The following CANX variants were observed in gnomAD, a reference collection of about 807,000 sequenced individuals.
CANX encodes epididymis secretory sperm binding protein.
CANX carries 14 observed loss-of-function variants against 75.7 expected under a neutral mutation model. The observed-to-expected ratio is 0.19, with a 90% CI of 0.12 to 0.29. CANX has a LOEUF of 0.29. Ranked by LOEUF, CANX falls within the 10% of genes least tolerant of loss-of-function variation. CANX has a pLI of 1.00. For missense variants in CANX, 567 were observed against 713.2 expected, an observed-to-expected ratio of 0.79 and a Z score of 2.34; for synonymous variants, 227 against 236.9, an observed-to-expected ratio of 0.96 and a Z score of 0.38.
chr5:179,708,457 GT>G (rs1777310796), intron 5 of CANX, 77 bp downstream of exon 5: 1 of 1,350,144 alleles, frequency 7.4e-7, no homozygotes, highest in Non-Finnish European at 1.0e-6. Flanking sequence ...TTTACTCTAT[GT>G]TAAAAAATTA....
At chr5:179,700,881 T>C (rs966848826) in intron 1 of CANX, 1 of 150,634 alleles carries the variant, frequency 6.6e-6, no homozygotes, top group Non-Finnish European at 1.5e-5. Flanking sequence ...TTTTTTTTTT[T>C]AGACGGAGTC....
At chr5:179,726,456 G>C (rs1778676720) in intron 13 of CANX, among the ~76,000 whole-genome samples, 1 of 151,412 alleles carries the variant, frequency 6.6e-6, no homozygotes. Context: ...GGCGCCTGTA[G>C]TCCCAGCTAT....
intron 1 of CANX, among the ~76,000 whole-genome samples, chr5:179,686,756 A>G (rs1776197623): frequency 6.6e-6 from 1 of 151,938 alleles, no homozygotes; most frequent in Non-Finnish European, 1.5e-5. Context: ...GTGAGCTACC[A>G]TGCCTGCTCA....
rs1238564244 is a variant in CANX, at chr5:179,690,342, G to A, written c.-4+11565G>A. Among the ~76,000 whole-genome samples the A allele has an allele frequency of 4.0e-5, 6 of 148,784 alleles. No individual in the cohort carries two copies. In the East Asian group the frequency reaches 6.1e-4, roughly 15 times the overall value. On this transcript the variant is annotated intron_variant, in intron 1 of 14. Coordinates refer to the CANX transcript ENST00000681674. The stretch of plus-strand genomic sequence containing the variant: ...TGTAATCCCAGCACTTTGGGAGGCC[G>A]AGGCGGGTGGATCACCTGAGGTCAG...
upstream of CANX, chr5:179,698,655 C>G (rs1167834845): frequency 2.5e-6 from 3 of 1,190,382 alleles, no homozygotes; most frequent in Non-Finnish European, 3.3e-6. Flanking sequence ...CCACAGCAAC[C>G]GACGCGGGAA....
rs185246993 is a variant in CANX at position 179,729,802 on chromosome 5, A to G, written c.*1158A>G. On this transcript the variant is annotated 3_prime_UTR_variant, in exon 15 of 15. Transcript: ENST00000247461. ...ACTTGAGAAGTCTAATTCACAGGCA[A>G]ACCAATACAGAATTGACTGCAGTTG... is the stretch of plus-strand genomic sequence containing the variant. 80 of 152,740 alleles carry G rather than the reference A, an allele frequency of 5.2e-4. No individual in the cohort carries two copies. The highest frequency in any genetic ancestry group is 2.5e-4 in the Non-Finnish European group (17 of 68,032). 9.5% of individuals were successfully genotyped at this position (152,740 alleles called of 1,614,324 possible). A position where few individuals can be genotyped will look rare whatever the true frequency, so the allele number is the denominator to read the frequency against.
chr5:179,705,806 T>C lies in CANX; in HGVS notation c.125T>C (p.Val42Ala). The C allele has an allele frequency of 6.2e-7, 1 of 1,613,382 alleles. No individual in the cohort carries two copies. Among genetic ancestry groups the C allele is most frequent in the Non-Finnish European group, 8.5e-7 (1 of 1,179,332 alleles). ...EDDLDDVIEE[V>A]EDSKPDTTAP... is the part of the protein sequence containing the mutation. The stretch of plus-strand genomic sequence containing the variant: ...GACCTTGACGATGTCATTGAAGAGG[T>C]AGAAGACTCAAAACCAGATACCACT... Residue 42 changes from valine (V) to alanine (A), a missense_variant, in exon 2 of 15, where the codon GTA becomes GCA. Coordinates refer to ENST00000247461, the MANE Select transcript of CANX (RefSeq NM_001746.4).
In CANX at chr5:179,684,923, TGTA is replaced by T. The variant is rs1216501988; in HGVS notation, c.-4+6147_-4+6149del. On this transcript the variant is annotated intron_variant, in intron 1 of 14. Transcript: ENST00000681674. ...GTGTGCCACCACACCTGGCTAATTT[TGTA>T]TTTTTTTTTTTTTTTTTTTTTTTTT... Among the ~76,000 whole-genome samples, 220 of 106,062 alleles carry T rather than the reference TGTA, an allele frequency of 2.1e-3. 2 individuals carry two copies. Among genetic ancestry groups the T allele is most frequent in the Middle Eastern group, 4.9e-3 (1 of 206 alleles). 69.6% of individuals were successfully genotyped at this position (106,062 alleles called of 152,430 possible).
At chr5:179,723,800 G>T (rs754860991) in intron 12 of CANX, 21 bp downstream of exon 12, 18 of 1,525,168 alleles carry the variant, frequency 1.2e-5, no homozygotes, top group African/African-American at 8.5e-5. Context: ...TTTTTTTTTA[G>T]AATCAATTTT....
chr5:179,688,499 G>A (rs888502959), intron 1 of CANX, among the ~76,000 whole-genome samples: 4 of 150,980 alleles, frequency 2.6e-5, no homozygotes, highest in African/African-American at 9.7e-5. Flanking sequence ...AACTAGCTGG[G>A]AATATAGGTG....
chr5:179,720,338 C>G, intron 9 of CANX, 66 bp from the exon 10 acceptor site: 1 of 1,327,320 alleles, frequency 7.5e-7, no homozygotes, highest in Non-Finnish European at 1.1e-6. Flanking sequence ...CAGCCCTGGG[C>G]CAGCCAGCTG....
chr5:179,681,791 A>G (rs1562428775), intron 1 of CANX, among the ~76,000 whole-genome samples: 1 of 152,044 alleles, frequency 6.6e-6, no homozygotes, highest in African/African-American at 2.4e-5. Flanking sequence ...CATCTCTACA[A>G]AAACAAATTA....
At chr5:179,727,747 A>G (rs953056146) in intron 14 of CANX, among the ~76,000 whole-genome samples, 4 of 152,214 alleles carry the variant, frequency 2.6e-5, no homozygotes, top group Non-Finnish European at 5.9e-5. Flanking sequence ...CATCTAGGAA[A>G]GATACGGTGG....
At chr5:179,702,510 C>T (rs962442968) in intron 1 of CANX, among the ~76,000 whole-genome samples, 1 of 151,940 alleles carries the variant, frequency 6.6e-6, no homozygotes, top group East Asian at 1.9e-4. Flanking sequence ...ATGTTATAGC[C>T]GGTGATGGGA....
At position 179,690,551 on chromosome 5, in the gene CANX, G is replaced by GGGGGACAA. The variant is rs541389938; in HGVS notation, c.-4+11776_-4+11783dup. 5.0e-3 allele frequency among the ~76,000 whole-genome samples: 691 copies of GGGGGACAA among 139,556 alleles called. 3 individuals are homozygous for GGGGGACAA. The highest frequency in any genetic ancestry group is 7.3e-3 in the Non-Finnish European group (481 of 65,708). 91.6% of individuals were successfully genotyped at this position (139,556 alleles called of 152,430 possible). A position where few individuals can be genotyped will look rare whatever the true frequency, so the allele number is the denominator to read the frequency against. On this transcript the variant is annotated intron_variant, in intron 1 of 14. Coordinates refer to the CANX transcript ENST00000681674. ...AGATCGCGCCACTGCACTCCAGCCT[G>GGGGGACAA]GGGGACAAGAGTGAGACTTCATCTC...
chr5:179,689,740 T>G (rs563703858), intron 1 of CANX, among the ~76,000 whole-genome samples: 29 of 152,172 alleles, frequency 1.9e-4, no homozygotes, highest in Admixed American at 1.6e-3. Flanking sequence ...CCTGGAAGTC[T>G]TTATTTGATT....
chr5:179,719,842 G>C (rs1248794852), intron 9 of CANX, 61 bp downstream of exon 9: 2 of 900,808 alleles, frequency 2.2e-6, no homozygotes, highest in Non-Finnish European at 3.5e-6. Context: ...TTTTTTTTGA[G>C]ATGGAGTCTC....
At chr5:179,685,918 T>A (rs1776182540) in intron 1 of CANX, among the ~76,000 whole-genome samples, 1 of 152,168 alleles carries the variant, frequency 6.6e-6, no homozygotes, top group South Asian at 2.1e-4. Flanking sequence ...CTCAAACTCC[T>A]GACCTCAGGT....
chr5:179,691,025 T>C (rs1458503959), intron 1 of CANX, among the ~76,000 whole-genome samples: 1 of 152,162 alleles, frequency 6.6e-6, no homozygotes, highest in Non-Finnish European at 1.5e-5. Context: ...TGATATATTA[T>C]TTTTTTACTT....
Sources: allele counts gnomAD v4.1 joint callset (sites outside exome capture counted in the v4.1 genomes callset), GRCh38; gene constraint gnomAD v4.1.1; transcripts MANE v1.5; gene names NCBI Gene and HGNC (gene_info 2026-07-23, HGNC 2026-07-21).